Variants in CFAP43 observed in about 807,000 individuals in gnomAD.
CFAP43 encodes the protein cilia and flagella associated protein 43.
Under a neutral mutation model 218.9 loss-of-function variants are expected in CFAP43, and 155 were observed. The observed-to-expected ratio is 0.71, with a 90% CI of 0.62 to 0.81. CFAP43 has a LOEUF of 0.81. Among genes scored for constraint, CFAP43 ranks in the 30% least tolerant of loss-of-function variants. The pLI, the probability that CFAP43 is intolerant of heterozygous loss-of-function variation, is 0.00. For synonymous variants in CFAP43, 645 were observed against 681.3 expected, an observed-to-expected ratio of 0.95 and a Z score of 0.83; for missense variants, 1,778 against 1,954.3, an observed-to-expected ratio of 0.91 and a Z score of 1.70.
At chr10:104,176,339 A>G (rs1244717597) in intron 19 of CFAP43, among the ~76,000 whole-genome samples, 2 of 152,204 alleles carry the variant, frequency 1.3e-5, no homozygotes, top group Non-Finnish European at 2.9e-5. Flanking sequence ...ACAAAAATAA[A>G]TTATAGATGA....
intron 23 of CFAP43, among the ~76,000 whole-genome samples, chr10:104,165,075 A>G (rs968100360): frequency 6.6e-6 from 1 of 152,256 alleles, no homozygotes; most frequent in Non-Finnish European, 1.5e-5. Context: ...AGAATCTGCC[A>G]GAGAATCACC....
At chr10:104,168,657 G>C (rs537890407) in intron 21 of CFAP43, 87 bp downstream of exon 21, 4 of 1,169,628 alleles carry the variant, frequency 3.4e-6, no homozygotes, top group Non-Finnish European at 5.1e-6. Context: ...TGCTATGCCT[G>C]AATTTTCTTA....
chr10:104,156,422 G>A (rs1197402356), intron 27 of CFAP43, among the ~76,000 whole-genome samples: 1 of 152,142 alleles, frequency 6.6e-6, no homozygotes, highest in Non-Finnish European at 1.5e-5. Flanking sequence ...TGGAGGGACT[G>A]TTTCTTTATT....
chr10:104,214,719 T>C (rs1228238231), intron 3 of CFAP43, among the ~76,000 whole-genome samples: 1 of 152,234 alleles, frequency 6.6e-6, no homozygotes, highest in Non-Finnish European at 1.5e-5. Context: ...AAATGAAATA[T>C]ATCATCACAT....
Position 104,142,007 on chromosome 10 carries a change from T to C in CFAP43, c.4271+274A>G, listed in dbSNP as rs111292174. 7.2e-3 allele frequency among the ~76,000 whole-genome samples: 1,093 copies of C among 152,328 alleles called. 10 individuals are homozygous for C. The highest frequency in any genetic ancestry group is 0.018 in the African/African-American group (766 of 41,576). ...AAAGTACTGAAAAACAGGTTCTTTG[T>C]ATTTTTATGTGGAAGGGGCCGACTT... On this transcript the variant is annotated intron_variant, in intron 33 of 37. Coordinates refer to ENST00000357060, the MANE Select transcript of CFAP43 (RefSeq NM_025145.7).
In CFAP43 at chr10:104,197,777, GTCT is replaced by G. The variant is rs776938879; in HGVS notation, c.1212+142_1212+144del. On this transcript the variant is annotated intron_variant, in intron 9 of 37. Transcript: ENST00000357060. ...GGAAGTGTCTGGCATCTCCACCACA[GTCT>G]TCAAGGACAGCCTCTGCCTCCTGTT... 3.9e-5 allele frequency: 22 copies of G among 562,984 alleles called. No homozygotes were observed. The Middle Eastern group carries it at 1.9e-3, about 48-fold the overall frequency. 34.9% of individuals were successfully genotyped at this position (562,984 alleles called of 1,614,324 possible). A position where few individuals can be genotyped will look rare whatever the true frequency, so the allele number is the denominator to read the frequency against.
chr10:104,170,700 A>G (rs1160513600), intron 20 of CFAP43, among the ~76,000 whole-genome samples: 1 of 152,072 alleles, frequency 6.6e-6, no homozygotes, highest in Non-Finnish European at 1.5e-5. Context: ...GCCTCTTTTG[A>G]TTGTGATGAT....
At position 104,129,990 on chromosome 10, in the gene CFAP43, C is replaced by T; in HGVS notation, c.*149G>A. 3 of 966,786 alleles carry T rather than the reference C, an allele frequency of 3.1e-6. No individual in the cohort carries two copies. The highest frequency in any genetic ancestry group is 4.3e-6 in the Non-Finnish European group (3 of 696,556). The allele number at this position is 966,786 out of a possible 1,614,324, so 59.9% of individuals were successfully genotyped here. A position where few individuals can be genotyped will look rare whatever the true frequency, so the allele number is the denominator to read the frequency against. Reference sequence around the variant, plus strand: ...GACAAAAATTTGTATACAATTAAGGCTAAAATTAAACAATTTTTTATCTAA... The same window carrying T: ...GACAAAAATTTGTATACAATTAAGGTTAAAATTAAACAATTTTTTATCTAA... On this transcript the variant is annotated 3_prime_UTR_variant, in exon 38 of 38. Coordinates refer to ENST00000357060, the MANE Select transcript of CFAP43 (RefSeq NM_025145.7).
Position 104,188,411 on chromosome 10 carries a change from C to G in CFAP43, c.1547-1G>C, listed in dbSNP as rs775880006. On this transcript the variant is annotated splice_acceptor_variant, in intron 12 of 37. Transcript: ENST00000357060. LOFTEE classifies it high-confidence loss of function. ...ATCTGTAAAATGTCTTTGGCCACCT[C>G]TGAAAGCAAACAGAGATCAACACCA... 3.1e-6 allele frequency: 5 copies of G among 1,607,514 alleles called. No homozygotes were observed. Among genetic ancestry groups the G allele is most frequent in the Non-Finnish European group, 4.2e-6 (5 of 1,177,288 alleles).
At chr10:104,207,109 G>A (rs1311753933) in intron 6 of CFAP43, among the ~76,000 whole-genome samples, 1 of 152,054 alleles carries the variant, frequency 6.6e-6, no homozygotes, top group Non-Finnish European at 1.5e-5. Context: ...GGAGGCGGAG[G>A]TTGCAGTGAG....
At chr10:104,227,318 C>T (rs2091328886) in intron 2 of CFAP43, among the ~76,000 whole-genome samples, 1 of 152,154 alleles carries the variant, frequency 6.6e-6, no homozygotes, top group African/African-American at 2.4e-5. Context: ...TTGAATTCGT[C>T]TTGAAGTGAG....
intron 34 of CFAP43, among the ~76,000 whole-genome samples, chr10:104,134,720 T>C (rs1238540149): frequency 6.6e-6 from 1 of 151,808 alleles, no homozygotes; most frequent in Non-Finnish European, 1.5e-5. Context: ...AACAAGTAAA[T>C]AATTGAATCA....
chr10:104,192,190 A>G lies in CFAP43; in HGVS notation c.1546+9T>C, dbSNP rs781007266. 2 of 1,586,106 alleles carry G rather than the reference A, an allele frequency of 1.3e-6. No homozygotes were observed. The highest frequency in any genetic ancestry group is 1.7e-6 in the Non-Finnish European group (2 of 1,157,844). On this transcript the variant is annotated intron_variant, in intron 12 of 37. Coordinates refer to ENST00000357060, the MANE Select transcript of CFAP43 (RefSeq NM_025145.7). ...AATATTTTAAATTAATCAGCATTCT[A>G]TGTTGTACCTGTGAATCCAATAATC...
intron 12 of CFAP43, among the ~76,000 whole-genome samples, chr10:104,189,933 C>T (rs529170054): frequency 1.4e-3 from 209 of 152,102 alleles, no homozygotes; most frequent in Non-Finnish European, 2.7e-3. Context: ...TTTGGGAGGC[C>T]AAGGCGGGCG....
chr10:104,231,860 G>T (rs961359506), intron 1 of CFAP43, among the ~76,000 whole-genome samples: 1 of 152,152 alleles, frequency 6.6e-6, no homozygotes, highest in Non-Finnish European at 1.5e-5. Context: ...AGAAGACCCG[G>T]ATCACTAGCG....
rs1428700620 is a variant in CFAP43, at chr10:104,131,401, A to G, written c.4761T>C (p.Tyr1587=). 4 of 1,613,736 alleles carry G rather than the reference A, an allele frequency of 2.5e-6. No individual in the cohort carries two copies. Among genetic ancestry groups the G allele is most frequent in the African/African-American group, 2.7e-5 (2 of 74,912 alleles). The part of the protein sequence containing the change: ...KFSNQKDIAN[Y]ALSCNLREEL... ...CTTCTCGTAGATTGCAGCTTAGGGC[A>G]TAATTTGCTATATCTTTTTGATTGC... is the stretch of plus-strand genomic sequence containing the variant. Residue 1587 remains tyrosine (Y), a synonymous_variant, in exon 37 of 38, where the codon TAT becomes TAC. Coordinates refer to ENST00000357060, the MANE Select transcript of CFAP43 (RefSeq NM_025145.7).
intron 5 of CFAP43, among the ~76,000 whole-genome samples, chr10:104,208,727 A>G (rs992458575): frequency 6.6e-6 from 1 of 152,188 alleles, no homozygotes; most frequent in African/African-American, 2.4e-5. Context: ...AAATGTAAAA[A>G]TCCATATATA....
At chr10:104,206,127 T>C in intron 6 of CFAP43, 97 bp from the exon 7 acceptor site, 1 of 980,006 alleles carries the variant, frequency 1.0e-6, no homozygotes, top group Non-Finnish European at 1.5e-6. Context: ...GTAAATCTTA[T>C]AAGTTGTTTT....
chr10:104,189,939 G>A (rs895104517), intron 12 of CFAP43, among the ~76,000 whole-genome samples: 5 of 152,054 alleles, frequency 3.3e-5, no homozygotes, highest in African/African-American at 4.8e-5. Flanking sequence ...AGGCCAAGGC[G>A]GGCGGATCAT....
Sources: gnomAD v4.1 joint callset for allele counts (sites outside exome capture counted in the v4.1 genomes callset) on GRCh38, gnomAD v4.1.1 for gene constraint, MANE v1.5 for transcripts, NCBI Gene and HGNC (gene_info 2026-07-23, HGNC 2026-07-21) for gene names.